The following CDH13 variants were observed in gnomAD, a reference collection of about 807,000 sequenced individuals.
CDH13 encodes the protein cadherin 13, also known as cadherin-13.
A neutral mutation model predicts 63.8 loss-of-function variants in CDH13; 24 were observed. The observed-to-expected ratio is 0.38, with a 90% CI of 0.27 to 0.53. CDH13 has a LOEUF of 0.53. CDH13 is among the 20% of genes least tolerant of loss of function. The probability of loss-of-function intolerance (pLI) is 0.85; values close to 1 mark genes in which losing one functional copy is unlikely to be tolerated. For missense variants in CDH13, 1,049 were observed against 903.1 expected (o/e 1.16, Z -2.07); for synonymous variants, 503 against 355.3 (o/e 1.42, Z -4.67).
At chr16:83,773,047 A>G (rs1914863090) in intron 11 of CDH13, 1 of 152,218 alleles carries the variant, frequency 6.6e-6, no homozygotes, top group Non-Finnish European at 1.5e-5. Flanking sequence ...GTGATTAGGC[A>G]TCTGTGTTTG....
chr16:82,826,669 G>A (rs1482100683), intron 1 of CDH13: 1 of 152,160 alleles, frequency 6.6e-6, no homozygotes, highest in Non-Finnish European at 1.5e-5. Flanking sequence ...AAATTGCTTC[G>A]TACAATGAAG....
rs757268594 is a variant in CDH13, at chr16:83,613,872, CAT to C, written c.1101+11281_1101+11282del. 1.9e-3 allele frequency among the ~76,000 whole-genome samples: 284 copies of C among 152,194 alleles called. 1 individual carries two copies. Among genetic ancestry groups the C allele is most frequent in the Non-Finnish European group, 3.0e-3 (204 of 68,016 alleles). On this transcript the variant is annotated intron_variant, in intron 8 of 13. Transcript: ENST00000567109. ...TTAATTAATAAATAATAATTACACT[CAT>C]ATTTTAAATTATGTAATTTCAAATT...
intron 1 of CDH13, among the ~76,000 whole-genome samples, chr16:82,749,916 A>C (rs1166388870): frequency 1.3e-5 from 2 of 152,184 alleles, no homozygotes; most frequent in African/African-American, 4.8e-5. Flanking sequence ...AAAAATGTAT[A>C]AGTTGAAGGC....
At chr16:82,691,983 T>G (rs754717525) in intron 1 of CDH13, among the ~76,000 whole-genome samples, 2 of 152,242 alleles carry the variant, frequency 1.3e-5, no homozygotes, top group African/African-American at 2.4e-5. Context: ...GAAACACTCA[T>G]GTAAAGCATG....
At chr16:83,347,759 G>C (rs969854805) in intron 6 of CDH13, among the ~76,000 whole-genome samples, 25 of 152,220 alleles carry the variant, frequency 1.6e-4, no homozygotes, top group African/African-American at 6.0e-4. Flanking sequence ...TGATTACTTA[G>C]CTGGTAAGAG....
At chr16:83,344,427 T>G (rs928053365) in intron 5 of CDH13, among the ~76,000 whole-genome samples, 1 of 152,238 alleles carries the variant, frequency 6.6e-6, no homozygotes, top group Non-Finnish European at 1.5e-5. Flanking sequence ...GACTTTCTCC[T>G]AAAAGATTGC....
chr16:82,942,918 C>T (rs961434290), intron 2 of CDH13, among the ~76,000 whole-genome samples: 5 of 152,162 alleles, frequency 3.3e-5, no homozygotes, highest in South Asian at 2.1e-4. Flanking sequence ...GTACTCAGTT[C>T]TGTTTAACTT....
chr16:83,622,792 T>G (rs1046316021), intron 8 of CDH13, among the ~76,000 whole-genome samples: 4 of 152,216 alleles, frequency 2.6e-5, no homozygotes, highest in Non-Finnish European at 2.9e-5. Flanking sequence ...CTCTGTGAAT[T>G]TGATATACTT....
chr16:83,092,927 T>C (rs550200232), intron 3 of CDH13, among the ~76,000 whole-genome samples: 2 of 152,318 alleles, frequency 1.3e-5, no homozygotes, highest in South Asian at 4.1e-4. Flanking sequence ...AACGGTACTT[T>C]TGCGCAAGAT....
Position 83,561,061 on chromosome 16 carries a change from G to C in CDH13, c.961-41393G>C, listed in dbSNP as rs538056641. Among the ~76,000 whole-genome samples, 311 of 152,278 alleles carry C rather than the reference G, an allele frequency of 2.0e-3. 1 individual carries two copies. The highest frequency in any genetic ancestry group is 5.9e-3 in the African/African-American group (246 of 41,552). ...ATTTAATTCTCCTCTCAGACCTTCT[G>C]TGACTCCCAAACCAATAAACCATTT... is the stretch of plus-strand genomic sequence containing the variant. On this transcript the variant is annotated intron_variant, in intron 7 of 13. Transcript: ENST00000567109.
intron 1 of CDH13, among the ~76,000 whole-genome samples, chr16:82,856,845 C>G (rs569011972): frequency 6.6e-6 from 1 of 152,086 alleles, no homozygotes; most frequent in South Asian, 2.1e-4. Flanking sequence ...GACTTTGGCA[C>G]TCAATCCCAG....
chr16:83,174,684 C>G (rs2038055521), intron 4 of CDH13, among the ~76,000 whole-genome samples: 1 of 152,040 alleles, frequency 6.6e-6, no homozygotes, highest in South Asian at 2.1e-4. Flanking sequence ...TCTGTTTTCA[C>G]ACTTCTATAA....
chr16:83,057,911 C>T (rs2031114006), intron 3 of CDH13, among the ~76,000 whole-genome samples: 1 of 152,122 alleles, frequency 6.6e-6, no homozygotes. Context: ...GGTAAGGTTC[C>T]TCCCTAATTT....
At chr16:83,443,952 T>C (rs1188170039) in intron 6 of CDH13, among the ~76,000 whole-genome samples, 1 of 146,806 alleles carries the variant, frequency 6.8e-6, no homozygotes. Flanking sequence ...AAAAAATCAA[T>C]GGTACCTCCT....
chr16:82,853,187 A>C (rs915951162), intron 1 of CDH13, among the ~76,000 whole-genome samples: 3 of 152,204 alleles, frequency 2.0e-5, no homozygotes, highest in Admixed American at 2.0e-4. Context: ...CAATCATATC[A>C]GGCACTGATG....
intron 3 of CDH13, among the ~76,000 whole-genome samples, chr16:83,055,962 C>T (rs1017576056): frequency 2.0e-5 from 3 of 152,050 alleles, no homozygotes; most frequent in Admixed American, 6.6e-5. Flanking sequence ...GGGTCTATTA[C>T]AGGACATTTA....
intron 1 of CDH13, among the ~76,000 whole-genome samples, chr16:82,717,892 C>T (rs2032495627): frequency 6.6e-6 from 1 of 152,066 alleles, no homozygotes; most frequent in Non-Finnish European, 1.5e-5. Flanking sequence ...AGTTTATTCC[C>T]AAAATGCATG....
chr16:82,823,133 C>A (rs892424298), intron 1 of CDH13: 1 of 152,250 alleles, frequency 6.6e-6, no homozygotes, highest in Non-Finnish European at 1.5e-5. Flanking sequence ...AGAGGCTGGA[C>A]AAGCTGTACT....
chr16:83,186,432 C>G (rs961967262), intron 4 of CDH13, among the ~76,000 whole-genome samples: 1 of 152,080 alleles, frequency 6.6e-6, no homozygotes, highest in African/African-American at 2.4e-5. Context: ...CCACAGCGCC[C>G]GGCCTAATGG....
Sources: allele counts gnomAD v4.1 joint callset (sites outside exome capture counted in the v4.1 genomes callset), GRCh38; gene constraint gnomAD v4.1.1; transcripts MANE v1.5; gene names NCBI Gene and HGNC (gene_info 2026-07-23, HGNC 2026-07-21).